Variants in DGKB observed in about 807,000 individuals in gnomAD.
DGKB encodes the protein diacylglycerol kinase beta.
A neutral mutation model predicts 114.3 loss-of-function variants in DGKB; 67 were observed. That is an observed-to-expected ratio of 0.59 (90% confidence interval 0.48 to 0.72). DGKB has a LOEUF of 0.72. Ranked by LOEUF, DGKB falls within the 30% of genes least tolerant of loss-of-function variation. The pLI, the probability that DGKB is intolerant of heterozygous loss-of-function variation, is 0.00. For synonymous variants in DGKB, 398 were observed against 323.1 expected, an observed-to-expected ratio of 1.23 and a Z score of -2.49; for missense variants, 907 against 975.2, an observed-to-expected ratio of 0.93 and a Z score of 0.93.
intron 23 of DGKB, among the ~76,000 whole-genome samples, chr7:14,241,906 G>A (rs963204320): frequency 1.3e-5 from 2 of 149,782 alleles, no homozygotes; most frequent in Non-Finnish European, 3.0e-5. Flanking sequence ...AAGACAAATT[G>A]CATCAAGATA....
intron 1 of DGKB, among the ~76,000 whole-genome samples, chr7:14,917,103 T>G (rs1321829948): frequency 1.3e-5 from 2 of 151,996 alleles, no homozygotes; most frequent in Admixed American, 6.5e-5. Flanking sequence ...AAACAATACT[T>G]ATGTCAAAAT....
At chr7:14,925,667 G>A (rs973386733) in intron 1 of DGKB, among the ~76,000 whole-genome samples, 12 of 151,990 alleles carry the variant, frequency 7.9e-5, no homozygotes, top group African/African-American at 2.7e-4. Context: ...ATTGTAAATC[G>A]TATTGTGTTT....
At chr7:14,394,666 AT>A (rs56288834) in intron 21 of DGKB, among the ~76,000 whole-genome samples, 17 of 149,542 alleles carry the variant, frequency 1.1e-4, no homozygotes, top group South Asian at 4.2e-4. Flanking sequence ...ATCAATGACC[AT>A]TTTTTTTTTA....
chr7:14,643,815 C>A (rs1241928388), intron 13 of DGKB, among the ~76,000 whole-genome samples: 1 of 152,154 alleles, frequency 6.6e-6, no homozygotes, highest in Non-Finnish European at 1.5e-5. Context: ...CTGCCAGTGC[C>A]CCAATGTGTG....
At chr7:14,262,847 C>A (rs1298002884) in intron 23 of DGKB, among the ~76,000 whole-genome samples, 1 of 152,094 alleles carries the variant, frequency 6.6e-6, no homozygotes, top group Non-Finnish European at 1.5e-5. Flanking sequence ...CAGCAGTAAA[C>A]TGAACAAGGG....
At chr7:14,634,481 T>TACACACACAC (rs34758174) in intron 13 of DGKB, among the ~76,000 whole-genome samples, 1,778 of 145,230 alleles carry the variant, frequency 0.012, 12 homozygotes, top group South Asian at 0.016. Context: ...TACAAAGTGA[T>TACACACACAC]ACACACACAC....
At chr7:14,938,950 T>TA (rs1785413409) in intron 1 of DGKB, among the ~76,000 whole-genome samples, 1 of 152,172 alleles carries the variant, frequency 6.6e-6, no homozygotes, top group African/African-American at 2.4e-5. Context: ...GAAATGAGGT[T>TA]AATCACAGTG....
chr7:14,613,298 C>T (rs1805905781), intron 16 of DGKB, 42 bp downstream of exon 16: 2 of 1,175,208 alleles, frequency 1.7e-6, no homozygotes, highest in Admixed American at 2.3e-5. Context: ...TATTTTTTTA[C>T]ATATACATGA....
intron 23 of DGKB, among the ~76,000 whole-genome samples, chr7:14,227,343 C>G (rs1790964982): frequency 6.6e-6 from 1 of 152,050 alleles, no homozygotes; most frequent in African/African-American, 2.4e-5. Context: ...CATTCTTACT[C>G]AAATGACTAT....
intron 23 of DGKB, among the ~76,000 whole-genome samples, chr7:14,180,611 G>T (rs748498679): frequency 7.2e-5 from 11 of 152,130 alleles, no homozygotes; most frequent in Non-Finnish European, 1.5e-4. Flanking sequence ...CATTCAGGGA[G>T]AGAAAACAAA....
At chr7:14,279,187 G>A (rs1799491950) in intron 23 of DGKB, among the ~76,000 whole-genome samples, 1 of 152,088 alleles carries the variant, frequency 6.6e-6, no homozygotes, top group Non-Finnish European at 1.5e-5. Flanking sequence ...CTTAAAAAAT[G>A]GCGCACCACG....
intron 1 of DGKB, among the ~76,000 whole-genome samples, chr7:14,852,448 T>A (rs1451380391): frequency 1.3e-5 from 1 of 74,786 alleles, no homozygotes; most frequent in Non-Finnish European, 2.5e-5. Context: ...TCTTCTTGCT[T>A]TGGACTTTGC....
intron 5 of DGKB, among the ~76,000 whole-genome samples, chr7:14,723,425 A>G (rs7802922): frequency 0.021 from 3,199 of 152,310 alleles, 108 homozygotes; most frequent in African/African-American, 0.074. Flanking sequence ...GCCTCAAGTG[A>G]TCAGAGCTAA....
chr7:14,573,618 A>G (rs1798702633), intron 20 of DGKB, among the ~76,000 whole-genome samples: 1 of 152,056 alleles, frequency 6.6e-6, no homozygotes, highest in African/African-American at 2.4e-5. Context: ...AAATATATAT[A>G]AAATCACTAT....
intron 21 of DGKB, among the ~76,000 whole-genome samples, chr7:14,432,931 G>C (rs2128793987): frequency 6.6e-6 from 1 of 152,210 alleles, no homozygotes; most frequent in East Asian, 1.9e-4. Context: ...AGAAACCTAG[G>C]GAAGAAAATC....
At chr7:14,354,743 G>A (rs1013068726) in intron 21 of DGKB, among the ~76,000 whole-genome samples, 4 of 152,012 alleles carry the variant, frequency 2.6e-5, no homozygotes, top group Non-Finnish European at 5.9e-5. Flanking sequence ...GGCTTTCTAT[G>A]GATTTTGATA....
chr7:14,254,654 G>C lies in DGKB; in HGVS notation c.2123-76503C>G, dbSNP rs997866183. Among the ~76,000 whole-genome samples, 3 of 152,022 alleles carry C rather than the reference G, an allele frequency of 2.0e-5. No homozygotes were observed. In the East Asian group the frequency reaches 5.8e-4, roughly 29 times the overall value. On this transcript the variant is annotated intron_variant, in intron 23 of 25. Coordinates refer to ENST00000402815, the MANE Select transcript of DGKB (RefSeq NM_001350709.2). ...TCAACCCTACATATACATACATAGA[G>C]TACTTTATATATTTCAATTATTATT...
intron 17 of DGKB, among the ~76,000 whole-genome samples, chr7:14,583,764 C>A (rs1370737075): frequency 6.6e-6 from 1 of 152,160 alleles, no homozygotes; most frequent in Non-Finnish European, 1.5e-5. Flanking sequence ...GCCATAAATA[C>A]CCACTGCTTC....
rs1022709000 is a variant in DGKB, at chr7:14,145,418, T to C, written c.*3713A>G. The C allele has an allele frequency of 7.9e-5, 12 of 152,040 alleles. No homozygotes were observed. Among genetic ancestry groups the C allele is most frequent in the Non-Finnish European group, 1.6e-4 (11 of 68,028 alleles). The allele number at this position is 152,040 out of a possible 1,614,324, so 9.4% of individuals were successfully genotyped here. ...TCAATTATTATTTAATTGTTCAGTA[T>C]TGAATAATCCTTTGGGGGTTATACG... On this transcript the variant is annotated 3_prime_UTR_variant, in exon 26 of 26. Transcript: ENST00000402815.
Sources: gnomAD v4.1 joint callset for allele counts (sites outside exome capture counted in the v4.1 genomes callset) on GRCh38, gnomAD v4.1.1 for gene constraint, MANE v1.5 for transcripts, NCBI Gene and HGNC (gene_info 2026-07-23, HGNC 2026-07-21) for gene names.